Variants in PCDH15 observed in about 807,000 individuals in gnomAD.
PCDH15 encodes the protein protocadherin-15.
Under a neutral mutation model 178.5 loss-of-function variants are expected in PCDH15, and 129 were observed. The ratio of observed to expected loss-of-function variants is 0.72; its 90% confidence interval spans 0.63 to 0.84. The LOEUF (loss-of-function observed/expected upper bound fraction) is 0.84. PCDH15 is among the 40% of genes least tolerant of loss of function. PCDH15 has a pLI of 0.00. For synonymous variants in PCDH15, 800 were observed against 732.0 expected, an observed-to-expected ratio of 1.09 and a Z score of -1.50; for missense variants, 2,230 against 2,099.9, an observed-to-expected ratio of 1.06 and a Z score of -1.21.
chr10:55,352,111 T>A (rs2131968367), intron 2 of PCDH15, among the ~76,000 whole-genome samples: 1 of 152,298 alleles, frequency 6.6e-6, no homozygotes, highest in East Asian at 1.9e-4. Context: ...CTAATGTTGG[T>A]GCAAAAATAA....
intron 21 of PCDH15, among the ~76,000 whole-genome samples, chr10:53,982,825 A>G (rs1450421510): frequency 2.0e-5 from 3 of 150,470 alleles, no homozygotes; most frequent in African/African-American, 7.3e-5. Flanking sequence ...TATAATAATA[A>G]TAAAAAAATA....
intron 2 of PCDH15, among the ~76,000 whole-genome samples, chr10:55,360,461 G>A (rs2131977904): frequency 6.6e-6 from 1 of 151,898 alleles, no homozygotes; most frequent in African/African-American, 2.4e-5. Context: ...ACAAGCCACA[G>A]AATGGGAGGA....
chr10:53,898,098 C>A, intron 26 of PCDH15, among the ~76,000 whole-genome samples: 1 of 151,150 alleles, frequency 6.6e-6, no homozygotes. Flanking sequence ...TCCCGAGTAG[C>A]TGGGACTACA....
intron 5 of PCDH15, 54 bp downstream of exon 5, chr10:54,369,066 A>G (rs947317645): frequency 3.2e-6 from 5 of 1,564,278 alleles, no homozygotes; most frequent in Non-Finnish European, 4.4e-6. Flanking sequence ...TATTGTATAT[A>G]GTTAGATACA....
Position 54,798,126 on chromosome 10 carries a change from G to T in PCDH15, c.-29+2799C>A, listed in dbSNP as rs555110625. Among the ~76,000 whole-genome samples, 189 of 151,508 alleles carry T rather than the reference G, an allele frequency of 1.2e-3. 1 individual carries two copies. The highest frequency in any genetic ancestry group is 4.3e-3 in the African/African-American group (179 of 41,344). ...AGTTTCTGGGTGATTTACACCTCTG[G>T]AATTTCTATGGCGACTCTATCAAGA... On this transcript the variant is annotated intron_variant, in intron 1 of 37. Transcript: ENST00000644397.
At chr10:54,097,414 A>G (rs760952070) in intron 15 of PCDH15, among the ~76,000 whole-genome samples, 2 of 152,188 alleles carry the variant, frequency 1.3e-5, no homozygotes, top group Non-Finnish European at 2.9e-5. Context: ...AGATACAACC[A>G]TGGCTCATCC....
intron 20 of PCDH15, among the ~76,000 whole-genome samples, chr10:54,017,070 C>A (rs1387097078): frequency 6.6e-6 from 1 of 152,090 alleles, no homozygotes; most frequent in African/African-American, 2.4e-5. Flanking sequence ...GTTGCCCGGG[C>A]TGGAGTACAG....
Position 54,527,858 on chromosome 10 carries a change from T to C in PCDH15, c.111A>G (p.Gly37=). 1 of 1,611,904 alleles carries C rather than the reference T, an allele frequency of 6.2e-7. No individual in the cohort carries two copies. Among genetic ancestry groups the C allele is most frequent in the Non-Finnish European group, 8.5e-7 (1 of 1,178,408 alleles). ...QYDDDCKLAR[G]GPPATIVAID... is the part of the protein sequence containing the mutation. ...TAGCAACTATGGTAGCTGGTGGTCC[T>C]CCCCTAGCTAGTTTGCAATCTAAAG... The change falls in exon 3 of 38, where the codon GGA becomes GGG. Residue 37 remains glycine, a synonymous_variant. Coordinates refer to ENST00000644397, the MANE Select transcript of PCDH15 (RefSeq NM_001384140.1).
chr10:55,071,632 C>T (rs1841749469), intron 2 of PCDH15, among the ~76,000 whole-genome samples: 1 of 151,996 alleles, frequency 6.6e-6, no homozygotes, highest in African/African-American at 2.4e-5. Flanking sequence ...ACTTAGACTC[C>T]CACACAATAA....
At chr10:53,823,042 A>T in intron 32 of PCDH15, 3 of 1,613,916 alleles carry the variant, frequency 1.9e-6, no homozygotes, top group Non-Finnish European at 1.7e-6. Context: ...CCCCTCAGAG[A>T]CTTACTCTTG....
At chr10:54,618,739 A>G (rs1356431738) in intron 2 of PCDH15, among the ~76,000 whole-genome samples, 1 of 152,070 alleles carries the variant, frequency 6.6e-6, no homozygotes, top group Non-Finnish European at 1.5e-5. Flanking sequence ...ATATTTCTAG[A>G]ATCACTAATT....
intron 2 of PCDH15, among the ~76,000 whole-genome samples, chr10:54,903,275 TA>T (rs1954668049): frequency 6.6e-6 from 1 of 152,076 alleles, no homozygotes; most frequent in African/African-American, 2.4e-5. Flanking sequence ...TTTTTGAACA[TA>T]CAATTTCAAA....
intron 29 of PCDH15, among the ~76,000 whole-genome samples, chr10:53,839,485 CAAAGAA>C (rs1482006224): frequency 7.9e-5 from 12 of 151,652 alleles, no homozygotes; most frequent in Non-Finnish European, 1.5e-5. Context: ...AAAGTATAGA[CAAAGAA>C]AAACTAAATT....
At chr10:55,327,633 AT>A (rs1844068151) in intron 2 of PCDH15, among the ~76,000 whole-genome samples, 2 of 152,096 alleles carry the variant, frequency 1.3e-5, no homozygotes, top group Non-Finnish European at 2.9e-5. Context: ...AGTAAAAAAA[AT>A]CAGCATAATG....
Position 53,806,842 on chromosome 10 carries a change from A to G in PCDH15, c.4960T>C (p.Leu1654=), listed in dbSNP as rs746832495. The G allele has an allele frequency of 1.9e-6, 3 of 1,613,722 alleles. No individual in the cohort carries two copies. In the East Asian group the frequency reaches 6.7e-5, roughly 36 times the overall value. ...TCAGTAGAAAATGGCCCCTTTGATA[A>G]TGTGTTCAGAGGTACATTCTCCTCA... ...THEENVPLNT[L]SKGPFSTEKM... is the part of the protein sequence containing the mutation. Residue 1654 remains leucine, a synonymous_variant, in exon 38 of 38, where the codon TTA becomes CTA. Transcript: ENST00000644397.
chr10:54,450,467 A>G (rs28531712), intron 3 of PCDH15, among the ~76,000 whole-genome samples: 2 of 151,584 alleles, frequency 1.3e-5, no homozygotes, highest in African/African-American at 2.4e-5. Flanking sequence ...ATTTAGCTCA[A>G]CTTTTTATTT....
chr10:53,822,929 C>T lies in PCDH15; in HGVS notation c.4368-2699G>A, dbSNP rs563147370. The T allele has an allele frequency of 2.5e-6, 4 of 1,614,004 alleles. No individual in the cohort carries two copies. The African/African-American group carries it at 4.0e-5, about 16-fold the overall frequency. ...CAGCTTTCTGCCTGGTGCCTTGCCACTGCTGCAGATCTATGATCTCTGGTC... is the reference window on the plus strand; with the variant it reads ...CAGCTTTCTGCCTGGTGCCTTGCCATTGCTGCAGATCTATGATCTCTGGTC... On this transcript the variant is annotated intron_variant, in intron 32 of 37. Transcript: ENST00000644397.
intron 1 of PCDH15, among the ~76,000 whole-genome samples, chr10:55,287,943 C>A (rs1842912280): frequency 6.6e-6 from 1 of 151,672 alleles, no homozygotes; most frequent in Admixed American, 6.6e-5. Flanking sequence ...AAAACTAGAA[C>A]AAGGCTGAGT....
intron 9 of PCDH15, among the ~76,000 whole-genome samples, chr10:54,236,008 GGTT>G (rs1230623723): frequency 2.8e-4 from 42 of 152,130 alleles, no homozygotes; most frequent in African/African-American, 1.0e-3. Flanking sequence ...AATATCTGTT[GGTT>G]GTTGTGTATT....
Sources: gnomAD v4.1 joint callset for allele counts (sites outside exome capture counted in the v4.1 genomes callset) on GRCh38, gnomAD v4.1.1 for gene constraint, MANE v1.5 for transcripts, NCBI Gene and HGNC (gene_info 2026-07-23, HGNC 2026-07-21) for gene names.